Variants in PLAG1 observed in about 807,000 individuals in gnomAD.
The protein encoded by PLAG1 is PLAG1 zinc finger.
In PLAG1, 7 loss-of-function variants were observed where a neutral mutation model predicts 35.5. The observed-to-expected ratio is 0.20, with a 90% CI of 0.11 to 0.37. The LOEUF (loss-of-function observed/expected upper bound fraction) is 0.37, where lower values mean the gene tolerates loss of function less well. Ranked by LOEUF, PLAG1 falls within the 10% of genes least tolerant of loss-of-function variation. The pLI is 1.00. For missense variants in PLAG1, 454 were observed against 602.8 expected (o/e 0.75, Z 2.58); for synonymous variants, 229 against 225.4 (o/e 1.02, Z -0.14).
chr8:56,188,993 C>CTG (rs1812101280), intron 1 of PLAG1, among the ~76,000 whole-genome samples: 2 of 152,354 alleles, frequency 1.3e-5, no homozygotes, highest in South Asian at 4.1e-4. Flanking sequence ...ATATCTTCCA[C>CTG]TGGGTCCCAG....
Position 56,167,303 on chromosome 8 carries a change from C to T in PLAG1, c.443G>A (p.Gly148Asp). ...CAAACATACCTTACAGGTGAGGTCACCACTTGTTGCGGCATGCAAGGCCAA... is the reference window on the plus strand; with the variant it reads ...CAAACATACCTTACAGGTGAGGTCATCACTTGTTGCGGCATGCAAGGCCAA... ...RHLALHAATS[G>D]DLTCKVCLQT... Residue 148 changes from glycine (G) to aspartate (D), a missense_variant, in exon 5 of 5, where the codon GGT (glycine) becomes GAT (aspartate). Coordinates refer to ENST00000316981, the MANE Select transcript of PLAG1 (RefSeq NM_002655.3). The surrounding 1 kb of genome is among the most constrained non-coding windows in gnomAD (Gnocchi z 5.9). 6.2e-7 allele frequency: 1 copy of T among 1,614,020 alleles called. No individual in the cohort carries two copies. The highest frequency in any genetic ancestry group is 8.5e-7 in the Non-Finnish European group (1 of 1,179,956).
intron 1 of PLAG1, among the ~76,000 whole-genome samples, chr8:56,192,247 C>T (rs1812205880): frequency 6.6e-6 from 1 of 152,130 alleles, no homozygotes; most frequent in Non-Finnish European, 1.5e-5. Context: ...GAAAAGTGGG[C>T]ACTTATCTTT....
intron 3 of PLAG1, among the ~76,000 whole-genome samples, chr8:56,170,151 TG>T (rs34144116): frequency 1.3e-5 from 2 of 152,240 alleles, no homozygotes; most frequent in East Asian, 3.9e-4. Context: ...GTAAGGCATA[TG>T]GGTAAGTTCA....
intron 2 of PLAG1, among the ~76,000 whole-genome samples, chr8:56,178,832 T>C (rs996870473): frequency 6.6e-6 from 1 of 152,056 alleles, no homozygotes; most frequent in African/African-American, 2.4e-5. Flanking sequence ...TGCTACACCT[T>C]GATTCTGTGA....
rs895186009 is a variant in PLAG1 at position 56,161,134 on chromosome 8, A to G, written c.*5109T>C. On this transcript the variant is annotated 3_prime_UTR_variant, in exon 5 of 5. Coordinates refer to ENST00000316981, the MANE Select transcript of PLAG1 (RefSeq NM_002655.3). ...CTTCATAATGTGATTGCTATTTTAC[A>G]GAGCTTATACACACACAAAAAATAT... The G allele has an allele frequency of 4.8e-5, 9 of 189,404 alleles. No individual in the cohort carries two copies. Among genetic ancestry groups the G allele is most frequent in the African/African-American group, 2.1e-4 (9 of 42,836 alleles). The allele number at this position is 189,404 out of a possible 1,614,324, so 11.7% of individuals were successfully genotyped here.
At position 56,167,440 on chromosome 8, in the gene PLAG1, G is replaced by T; in HGVS notation, c.306C>A (p.His102Gln). The T allele has an allele frequency of 6.2e-7, 1 of 1,612,994 alleles. No individual in the cohort carries two copies. The highest frequency in any genetic ancestry group is 1.1e-5 in the South Asian group (1 of 90,940). The stretch of plus-strand genomic sequence containing the variant: ...GGTGATTCTTCAGATGATCTTTCCG[G>T]TGAAACATTTTCTCACAATAATTAC... ...HKCNYCEKMF[H>Q]RKDHLKNHLH... Residue 102 changes from histidine to glutamine, a missense_variant, in exon 5 of 5, where the codon CAC (histidine) becomes CAA (glutamine). Physicochemically the swap from His to Gln is conservative, Grantham distance 24. Coordinates refer to ENST00000316981, the MANE Select transcript of PLAG1 (RefSeq NM_002655.3). This position sits in a 1 kb window ranked among gnomAD's most constrained non-coding sequence, Gnocchi z 5.9.
At position 56,162,575 on chromosome 8, in the gene PLAG1, T is replaced by A. The variant is rs1164251688; in HGVS notation, c.*3668A>T. On this transcript the variant is annotated 3_prime_UTR_variant, in exon 5 of 5. Coordinates refer to ENST00000316981, the MANE Select transcript of PLAG1 (RefSeq NM_002655.3). Reference sequence around the variant, plus strand: ...GTCTTAAAATAAAAGGCATAACCTATAAGAAAGTTTCTGTAAAGGTTTAGA... The same window carrying A: ...GTCTTAAAATAAAAGGCATAACCTAAAAGAAAGTTTCTGTAAAGGTTTAGA... 4.7e-6 allele frequency: 1 copy of A among 210,826 alleles called. No individual in the cohort carries two copies. The highest frequency in any genetic ancestry group is 2.3e-5 in the African/African-American group (1 of 44,124). The allele number at this position is 210,826 out of a possible 1,614,324, so 13.1% of individuals were successfully genotyped here. A position where few individuals can be genotyped will look rare whatever the true frequency, so the allele number is the denominator to read the frequency against.
In PLAG1 at chr8:56,167,587, T is replaced by C. The variant is rs1209967233; in HGVS notation, c.243-84A>G. 2 of 798,068 alleles carry C rather than the reference T, an allele frequency of 2.5e-6. No homozygotes were observed. The highest frequency in any genetic ancestry group is 3.9e-6 in the Non-Finnish European group (2 of 506,404). 49.4% of individuals were successfully genotyped at this position (798,068 alleles called of 1,614,324 possible). A position where few individuals can be genotyped will look rare whatever the true frequency, so the allele number is the denominator to read the frequency against. ...TTTTCAAATGGAAGCTAAACTACTA[T>C]GCTAACACAGAATTCCCTTAGTAAT... On this transcript the variant is annotated intron_variant, in intron 4 of 4. Coordinates refer to ENST00000316981, the MANE Select transcript of PLAG1 (RefSeq NM_002655.3). The surrounding 1 kb of genome is among the most constrained non-coding windows in gnomAD (Gnocchi z 5.9).
intron 1 of PLAG1, among the ~76,000 whole-genome samples, chr8:56,185,935 T>G (rs558294666): frequency 1.3e-5 from 2 of 152,358 alleles, no homozygotes; most frequent in Admixed American, 1.3e-4. Context: ...GGCTTGCCTT[T>G]GATTAATTCA....
rs182900997 is a variant in PLAG1, at chr8:56,161,479, G to T, written c.*4764C>A. ...ATTCCCAGTTTTTGTTAAATTCAAA[G>T]GGCTGTTAGTAACATACAGCATGTT... On this transcript the variant is annotated 3_prime_UTR_variant, in exon 5 of 5. Coordinates refer to ENST00000316981, the MANE Select transcript of PLAG1 (RefSeq NM_002655.3). 33 of 225,048 alleles carry T rather than the reference G, an allele frequency of 1.5e-4. No homozygotes were observed. Among genetic ancestry groups the T allele is most frequent in the African/African-American group, 7.3e-4 (33 of 44,966 alleles). 13.9% of individuals were successfully genotyped at this position (225,048 alleles called of 1,614,324 possible).
At chr8:56,190,436 G>A (rs532404295) in intron 1 of PLAG1, among the ~76,000 whole-genome samples, 1 of 152,304 alleles carries the variant, frequency 6.6e-6, no homozygotes, top group East Asian at 1.9e-4. Flanking sequence ...GCCAAGGTAA[G>A]GACTAAACCC....
chr8:56,192,450 C>G (rs1157428530), intron 1 of PLAG1, among the ~76,000 whole-genome samples: 1 of 152,126 alleles, frequency 6.6e-6, no homozygotes. Flanking sequence ...TTGAGGAATA[C>G]AAAGAAGTAA....
intron 1 of PLAG1, among the ~76,000 whole-genome samples, chr8:56,201,169 C>G (rs530270119): frequency 6.6e-6 from 1 of 152,236 alleles, no homozygotes; most frequent in Non-Finnish European, 1.5e-5. Flanking sequence ...TTTTAACTCT[C>G]CTGGGTGGGA....
chr8:56,184,177 A>G (rs1811950583), intron 1 of PLAG1, among the ~76,000 whole-genome samples: 2 of 152,206 alleles, frequency 1.3e-5, no homozygotes, highest in Non-Finnish European at 2.9e-5. Flanking sequence ...AATGAGCAAA[A>G]GATCTGATCA....
intron 1 of PLAG1, among the ~76,000 whole-genome samples, chr8:56,192,551 T>C (rs1366897376): frequency 6.6e-6 from 1 of 152,202 alleles, no homozygotes; most frequent in Non-Finnish European, 1.5e-5. Flanking sequence ...TTTTTTAAAG[T>C]GTTACATAGT....
chr8:56,195,178 C>T (rs1227194470), intron 1 of PLAG1, among the ~76,000 whole-genome samples: 1 of 152,082 alleles, frequency 6.6e-6, no homozygotes, highest in Non-Finnish European at 1.5e-5. Flanking sequence ...GAACAACCAA[C>T]CAAAAACCAT....
intron 1 of PLAG1, among the ~76,000 whole-genome samples, chr8:56,206,176 T>G (rs1224957305): frequency 6.6e-6 from 1 of 151,996 alleles, no homozygotes; most frequent in African/African-American, 2.4e-5. Flanking sequence ...CACCATATCC[T>G]TGTCAGTACC....
chr8:56,186,195 T>C (rs1293692444), intron 1 of PLAG1, among the ~76,000 whole-genome samples: 1 of 152,150 alleles, frequency 6.6e-6, no homozygotes, highest in African/African-American at 2.4e-5. Context: ...TTTGTATAAT[T>C]GACAAATTAT....
At chr8:56,188,795 G>C (rs979817278) in intron 1 of PLAG1, among the ~76,000 whole-genome samples, 1 of 151,830 alleles carries the variant, frequency 6.6e-6, no homozygotes, top group Non-Finnish European at 1.5e-5. Context: ...CAGGGGAGAA[G>C]GCCACCAATA....
Sources: allele counts gnomAD v4.1 joint callset (sites outside exome capture counted in the v4.1 genomes callset), GRCh38; gene constraint gnomAD v4.1.1; non-coding constraint Gnocchi (gnomAD v3.1); transcripts MANE v1.5; gene names NCBI Gene and HGNC (gene_info 2026-07-23, HGNC 2026-07-21).